TCAIM: variants seen among roughly 807,000 people sequenced by gnomAD.
TCAIM encodes T-cell activation inhibitor, mitochondrial.
In TCAIM, 36 loss-of-function variants were observed where a neutral mutation model predicts 58.6. The observed-to-expected ratio is 0.61, with a 90% CI of 0.47 to 0.81. The LOEUF (loss-of-function observed/expected upper bound fraction) is 0.81. Among genes scored for constraint, TCAIM ranks in the 30% least tolerant of loss-of-function variants. The probability of loss-of-function intolerance (pLI) is 0.00; values close to 1 mark genes in which losing one functional copy is unlikely to be tolerated. For synonymous variants in TCAIM, 172 were observed against 193.6 expected (o/e 0.89, Z 0.93); for missense variants, 466 against 579.6 (o/e 0.80, Z 2.01).
At chr3:44,379,936 C>A (rs1701629203) in intron 5 of TCAIM, among the ~76,000 whole-genome samples, 1 of 152,030 alleles carries the variant, frequency 6.6e-6, no homozygotes, top group Admixed American at 6.6e-5. Flanking sequence ...CAATAACTAT[C>A]AGGTACTGTG....
intron 10 of TCAIM, among the ~76,000 whole-genome samples, chr3:44,403,573 C>G (rs1446218795): frequency 6.6e-6 from 1 of 152,194 alleles, no homozygotes; most frequent in Non-Finnish European, 1.5e-5. Context: ...TTTGCTATAA[C>G]CTATCGGCTG....
intron 1 of TCAIM, among the ~76,000 whole-genome samples, 197 bp downstream of exon 1, chr3:44,339,031 GT>G (rs1700797396): frequency 1.3e-5 from 2 of 152,146 alleles, no homozygotes; most frequent in African/African-American, 4.8e-5. Context: ...GACGATTTAG[GT>G]TTTATTGTTT....
intron 1 of TCAIM, chr3:44,339,937 A>G (rs569536166): frequency 6.6e-6 from 1 of 152,308 alleles, no homozygotes; most frequent in East Asian, 1.9e-4. Context: ...GTGGTGATGA[A>G]TGGGTGAGTT....
chr3:44,388,629 T>A (rs1278856551), intron 5 of TCAIM, among the ~76,000 whole-genome samples: 3 of 152,224 alleles, frequency 2.0e-5, no homozygotes, highest in African/African-American at 7.2e-5. Flanking sequence ...AAATATCCTT[T>A]TACTCATTAG....
chr3:44,405,138 T>C (rs1317186309), intron 10 of TCAIM, among the ~76,000 whole-genome samples: 1 of 152,150 alleles, frequency 6.6e-6, no homozygotes, highest in African/African-American at 2.4e-5. Flanking sequence ...GGTGATAACC[T>C]AGTTCACAGT....
intron 6 of TCAIM, among the ~76,000 whole-genome samples, chr3:44,395,271 T>C (rs973000326): frequency 6.6e-6 from 1 of 152,132 alleles, no homozygotes; most frequent in East Asian, 1.9e-4. Context: ...AAAAAAACAA[T>C]TTTTTAAACA....
rs76515259 is a variant in TCAIM, at chr3:44,403,415, C to G, written c.1250+2081C>G. Among the ~76,000 whole-genome samples the G allele has an allele frequency of 8.9e-3, 1,360 of 152,280 alleles. 20 individuals carry two copies. Among genetic ancestry groups the G allele is most frequent in the African/African-American group, 0.032 (1,312 of 41,542 alleles). On this transcript the variant is annotated intron_variant, in intron 10 of 10. Transcript: ENST00000342649. ...CCTGTTTTCCTTATGGAATTGATGA[C>G]AACTCGGTAGGCCAGATCCTATCAC...
intron 5 of TCAIM, among the ~76,000 whole-genome samples, chr3:44,384,344 T>C (rs886666738): frequency 6.6e-6 from 1 of 152,202 alleles, no homozygotes; most frequent in African/African-American, 2.4e-5. Flanking sequence ...ATCAGGAAGG[T>C]ATTCTTTTCT....
At chr3:44,358,776 T>C in intron 3 of TCAIM, 1 of 985,508 alleles carries the variant, frequency 1.0e-6, no homozygotes, top group South Asian at 4.7e-5. Flanking sequence ...GTTCCTTCTA[T>C]TTTCATTAAC....
rs182678924 is a variant in TCAIM, at chr3:44,380,040, A to T, written c.572+12332A>T. Among the ~76,000 whole-genome samples, 943 of 150,476 alleles carry T rather than the reference A, an allele frequency of 6.3e-3. 2 individuals carry two copies. Among genetic ancestry groups the T allele is most frequent in the Non-Finnish European group, 0.011 (742 of 67,540 alleles). On this transcript the variant is annotated intron_variant, in intron 5 of 10. Transcript: ENST00000342649. ...TGCACATGAGCCCCAGACCTAAAAT[A>T]AAAAAAAAATTAAGAATTTTAACTC...
chr3:44,390,884 C>T (rs1701823086), intron 5 of TCAIM, among the ~76,000 whole-genome samples: 1 of 152,144 alleles, frequency 6.6e-6, no homozygotes, highest in Non-Finnish European at 1.5e-5. Flanking sequence ...GGGGCCCACC[C>T]CCAACCACTT....
chr3:44,405,103 T>A (rs1702080025), intron 10 of TCAIM, among the ~76,000 whole-genome samples: 2 of 152,170 alleles, frequency 1.3e-5, no homozygotes, highest in African/African-American at 2.4e-5. Context: ...TTGCTGCCTG[T>A]GGAACCCCCA....
At chr3:44,340,307 G>A (rs974446702) in intron 1 of TCAIM, 2 of 152,122 alleles carry the variant, frequency 1.3e-5, no homozygotes, top group African/African-American at 2.4e-5. Flanking sequence ...CCAGTTATCA[G>A]GCCTTCTAAT....
rs529916771 is a variant in TCAIM, at chr3:44,407,550, T to G, written c.1359T>G (p.Cys453Trp). The G allele has an allele frequency of 4.0e-5, 65 of 1,613,940 alleles. 1 individual carries two copies. In the South Asian group the frequency reaches 7.1e-4, roughly 18 times the overall value. The change falls in exon 11 of 11, where the codon TGT becomes TGG. Residue 453 changes from cysteine (C) to tryptophan (W), a missense_variant. Coordinates refer to ENST00000342649, the MANE Select transcript of TCAIM (RefSeq NM_173826.4). Reference protein sequence around the residue: ...SISSIQMVDCCKRLLEQSLPY... With the variant: ...SISSIQMVDCWKRLLEQSLPY... ...CTAGTATACAAATGGTGGATTGTTG[T>G]AAGAGACTTCTAGAACAATCACTGC...
intron 1 of TCAIM, chr3:44,340,771 A>T (rs991240089): frequency 2.6e-5 from 4 of 152,026 alleles, no homozygotes; most frequent in Non-Finnish European, 4.4e-5. Flanking sequence ...ATTCTGCAGG[A>T]CTCGGATGGG....
chr3:44,367,655 C>A lies in TCAIM; in HGVS notation c.519C>A (p.Phe173Leu), dbSNP rs773611530. ...WDKSYYSFTG[F>L]KDPDEDLEQV... ...AGTCTTATTACTCCTTTACTGGATT[C>A]AAGGACCCTGATGAAGACCTTGAAC... is the stretch of plus-strand genomic sequence containing the variant. The change falls in exon 5 of 11, where the codon TTC (phenylalanine) becomes TTA (leucine). Residue 173 changes from phenylalanine (F) to leucine (L), a missense_variant. Transcript: ENST00000342649. The A allele has an allele frequency of 1.9e-4, 312 of 1,613,958 alleles. No individual in the cohort carries two copies. Among genetic ancestry groups the A allele is most frequent in the Non-Finnish European group, 2.6e-4 (305 of 1,179,970 alleles).
At chr3:44,407,338 A>G in intron 10 of TCAIM, 104 bp from the exon 11 acceptor site, 2 of 977,280 alleles carry the variant, frequency 2.0e-6, no homozygotes, top group Non-Finnish European at 2.9e-6. Context: ...GTGAGTGCAC[A>G]GTTAGGGCCC....
At chr3:44,377,589 A>G (rs978711086) in intron 5 of TCAIM, among the ~76,000 whole-genome samples, 7 of 152,216 alleles carry the variant, frequency 4.6e-5, no homozygotes, top group African/African-American at 1.4e-4. Context: ...TCGAGTCCAC[A>G]TGGAACGTTT....
At chr3:44,388,834 T>C (rs559996618) in intron 5 of TCAIM, among the ~76,000 whole-genome samples, 3 of 152,240 alleles carry the variant, frequency 2.0e-5, no homozygotes, top group Non-Finnish European at 4.4e-5. Flanking sequence ...CAGGTTCATC[T>C]GGACTGTTCC....
Sources: gnomAD v4.1 joint callset for allele counts (sites outside exome capture counted in the v4.1 genomes callset) on GRCh38, gnomAD v4.1.1 for gene constraint, MANE v1.5 for transcripts, NCBI Gene and HGNC (gene_info 2026-07-23, HGNC 2026-07-21) for gene names.